Variants in NRCAM observed in about 807,000 individuals in gnomAD.
NRCAM encodes neuronal cell adhesion molecule, also known as NgCAM-related cell adhesion molecule.
NRCAM carries 83 observed loss-of-function variants against 156.5 expected under a neutral mutation model. The ratio of observed to expected loss-of-function variants is 0.53; its 90% CI spans 0.44 to 0.64. NRCAM has a LOEUF of 0.64. NRCAM is among the 30% of genes least tolerant of loss of function. The probability of loss-of-function intolerance (pLI) is 0.00; values close to 1 mark genes in which losing one functional copy is unlikely to be tolerated. For synonymous variants in NRCAM, 538 were observed against 563.9 expected (o/e 0.95, Z 0.65); for missense variants, 1,417 against 1,597.3 (o/e 0.89, Z 1.92).
intron 3 of NRCAM, among the ~76,000 whole-genome samples, chr7:108,293,824 AT>A (rs1465334891): frequency 6.6e-6 from 1 of 152,208 alleles, no homozygotes; most frequent in Non-Finnish European, 1.5e-5. Context: ...ATAAGATCAC[AT>A]TATTACTGTG....
intron 5 of NRCAM, 79 bp downstream of exon 5, chr7:108,237,673 T>A: frequency 9.2e-7 from 1 of 1,089,668 alleles, no homozygotes; most frequent in South Asian, 2.0e-5. Context: ...ATTGTGCATT[T>A]AAATCACAAT....
At chr7:108,381,850 T>C (rs2099703096) in intron 2 of NRCAM, among the ~76,000 whole-genome samples, 1 of 152,144 alleles carries the variant, frequency 6.6e-6, no homozygotes, top group Non-Finnish European at 1.5e-5. Context: ...CGTGAGTCAC[T>C]GCGCCTGGCC....
intron 17 of NRCAM, 39 bp from the exon 18 acceptor site, chr7:108,191,892 T>C (rs369721116): frequency 2.5e-6 from 4 of 1,600,204 alleles, no homozygotes; most frequent in Middle Eastern, 2.0e-4. Flanking sequence ...GAAATGGACA[T>C]GCAGCCGTAC....
intron 11 of NRCAM, among the ~76,000 whole-genome samples, chr7:108,210,544 T>A (rs1418588994): frequency 6.6e-6 from 1 of 152,244 alleles, no homozygotes; most frequent in East Asian, 1.9e-4. Flanking sequence ...CCGCGCCTGG[T>A]CCCAACTGTG....
intron 13 of NRCAM, 38 bp downstream of exon 13, chr7:108,207,490 A>C: frequency 1.9e-6 from 3 of 1,603,124 alleles, no homozygotes; most frequent in Non-Finnish European, 2.6e-6. Context: ...ATATGCTCTG[A>C]AAATATACTG....
chr7:108,416,689 T>C (rs1437632644), intron 1 of NRCAM, among the ~76,000 whole-genome samples: 4 of 152,232 alleles, frequency 2.6e-5, no homozygotes, highest in African/African-American at 7.2e-5. Flanking sequence ...GTCTGTATAG[T>C]TGAAGGCATG....
intron 1 of NRCAM, among the ~76,000 whole-genome samples, chr7:108,435,501 AT>A (rs1830967625): frequency 6.6e-6 from 1 of 152,222 alleles, no homozygotes; most frequent in African/African-American, 2.4e-5. Flanking sequence ...TACTTGACAA[AT>A]AATAGTTGAA....
In NRCAM at chr7:108,412,702, T is replaced by C. The variant is rs182744825; in HGVS notation, c.-331-13109A>G. Among the ~76,000 whole-genome samples the C allele has an allele frequency of 1.7e-4, 26 of 152,230 alleles. No individual in the cohort carries two copies. In the East Asian group the frequency reaches 4.4e-3, roughly 26 times the overall value. ...CCAACATCTCCCAAACCTCCCTCCG[T>C]TCCCACCACCCCAGCCCCTGGTAAC... On this transcript the variant is annotated intron_variant, in intron 1 of 32. Transcript: ENST00000379028.
chr7:108,236,424 T>TCC (rs2095014991), intron 5 of NRCAM, among the ~76,000 whole-genome samples: 1 of 151,946 alleles, frequency 6.6e-6, no homozygotes, highest in Non-Finnish European at 1.5e-5. Context: ...CAGCTGCCCT[T>TCC]CCCCCCTCCG....
chr7:108,255,773 C>T (rs1353614838), intron 3 of NRCAM, among the ~76,000 whole-genome samples: 85 of 151,860 alleles, frequency 5.6e-4, no homozygotes, highest in Admixed American at 1.7e-3. Context: ...TGTCTCTGCC[C>T]GACCGCCACC....
intron 2 of NRCAM, among the ~76,000 whole-genome samples, chr7:108,396,983 CTGAT>C (rs1250487719): frequency 2.0e-5 from 3 of 152,132 alleles, no homozygotes; most frequent in Non-Finnish European, 4.4e-5. Flanking sequence ...AAAAGAGAAT[CTGAT>C]TGTTGCATCT....
At chr7:108,418,018 CAGA>C (rs964124227) in intron 1 of NRCAM, among the ~76,000 whole-genome samples, 22 of 152,244 alleles carry the variant, frequency 1.4e-4, no homozygotes, top group African/African-American at 5.3e-4. Context: ...CTGACTTCAG[CAGA>C]AGAATAAAAG....
At chr7:108,443,199 G>A (rs1021992896) in intron 1 of NRCAM, among the ~76,000 whole-genome samples, 1 of 151,472 alleles carries the variant, frequency 6.6e-6, no homozygotes, top group East Asian at 1.9e-4. Context: ...GTATGTCACA[G>A]TTCATTAAAT....
At chr7:108,388,177 A>T (rs2099747526) in intron 2 of NRCAM, among the ~76,000 whole-genome samples, 1 of 152,160 alleles carries the variant, frequency 6.6e-6, no homozygotes, top group Non-Finnish European at 1.5e-5. Flanking sequence ...TCCCATCAAC[A>T]GTGTAAAAGT....
intron 3 of NRCAM, among the ~76,000 whole-genome samples, chr7:108,283,547 G>A (rs1008573406): frequency 2.0e-5 from 3 of 152,172 alleles, no homozygotes; most frequent in African/African-American, 7.2e-5. Context: ...GGTTCAATTC[G>A]ACAGATGTCA....
intron 3 of NRCAM, among the ~76,000 whole-genome samples, chr7:108,296,800 AAATT>A (rs1397741275): frequency 1.5e-4 from 23 of 152,346 alleles, no homozygotes; most frequent in African/African-American, 5.5e-4. Context: ...CTGGCAAATT[AAATT>A]AATTATTAAA....
chr7:108,215,202 G>A (rs1268610304), intron 11 of NRCAM, among the ~76,000 whole-genome samples: 2 of 149,186 alleles, frequency 1.3e-5, no homozygotes, highest in African/African-American at 5.0e-5. Context: ...GGGTGTTAAA[G>A]TGTCCCACTA....
intron 2 of NRCAM, among the ~76,000 whole-genome samples, chr7:108,384,259 A>G (rs1020236605): frequency 3.9e-5 from 6 of 152,258 alleles, no homozygotes; most frequent in Non-Finnish European, 5.9e-5. Context: ...AGTCAAAAAA[A>G]CCCAATAATA....
intron 1 of NRCAM, among the ~76,000 whole-genome samples, chr7:108,417,744 CTCTT>C (rs570790670): frequency 7.9e-5 from 12 of 152,162 alleles, no homozygotes; most frequent in Non-Finnish European, 1.3e-4. Flanking sequence ...CTCTGCTCTT[CTCTT>C]TCTTTCTTTT....
Sources: gnomAD v4.1 joint callset for allele counts (sites outside exome capture counted in the v4.1 genomes callset) on GRCh38, gnomAD v4.1.1 for gene constraint, MANE v1.5 for transcripts, NCBI Gene and HGNC (gene_info 2026-07-23, HGNC 2026-07-21) for gene names.